PEAK1: variants seen among roughly 807,000 people sequenced by gnomAD.
The protein encoded by PEAK1 is pseudopodium enriched atypical kinase 1, also known as inactive tyrosine-protein kinase PEAK1.
PEAK1 carries 54 observed loss-of-function variants against 124.7 expected under a neutral mutation model. That is an observed-to-expected ratio of 0.43 (90% CI 0.35 to 0.54). The LOEUF is 0.54. PEAK1 is among the 20% of genes least tolerant of loss of function. PEAK1 has a pLI of 0.01. For missense variants in PEAK1, 2,046 were observed against 2,134.5 expected (o/e 0.96, Z 0.82); for synonymous variants, 719 against 760.0 (o/e 0.95, Z 0.89).
intron 6 of PEAK1, among the ~76,000 whole-genome samples, chr15:77,242,868 A>G (rs760253148): frequency 2.6e-5 from 4 of 152,302 alleles, no homozygotes; most frequent in African/African-American, 7.2e-5. Context: ...TTCCAACAGG[A>G]AAGTATAACA....
At chr15:77,384,211 CA>C (rs1271124099) in intron 1 of PEAK1, among the ~76,000 whole-genome samples, 19 of 151,280 alleles carry the variant, frequency 1.3e-4, no homozygotes, top group Admixed American at 1.2e-3. Flanking sequence ...AACAAGCTCA[CA>C]AACTATTATA....
At chr15:77,343,200 T>G (rs1295185305) in intron 2 of PEAK1, among the ~76,000 whole-genome samples, 1 of 152,208 alleles carries the variant, frequency 6.6e-6, no homozygotes, top group Non-Finnish European at 1.5e-5. Flanking sequence ...TATCACTGTG[T>G]TTTGATTTGG....
intron 7 of PEAK1, among the ~76,000 whole-genome samples, chr15:77,177,051 G>A (rs758470028): frequency 2.5e-4 from 38 of 152,044 alleles, no homozygotes; most frequent in Non-Finnish European, 4.7e-4. Flanking sequence ...TCCACCTCCC[G>A]GTTCAAGTGA....
At chr15:77,161,842 T>C (rs1305462269) in intron 7 of PEAK1, among the ~76,000 whole-genome samples, 1 of 151,510 alleles carries the variant, frequency 6.6e-6, no homozygotes, top group Non-Finnish European at 1.5e-5. Context: ...GGCAGGTGCC[T>C]ATAATCCCAG....
At chr15:77,124,173 C>G (rs916722607) in intron 9 of PEAK1, among the ~76,000 whole-genome samples, 2 of 152,248 alleles carry the variant, frequency 1.3e-5, no homozygotes, top group Non-Finnish European at 2.9e-5. Flanking sequence ...CAACCTTGGA[C>G]TCTCTGGCCT....
intron 7 of PEAK1, among the ~76,000 whole-genome samples, chr15:77,168,667 G>A (rs1452330821): frequency 6.6e-6 from 1 of 152,174 alleles, no homozygotes; most frequent in Non-Finnish European, 1.5e-5. Flanking sequence ...GGATTACTGA[G>A]GAATACAGTT....
intron 5 of PEAK1, among the ~76,000 whole-genome samples, chr15:77,261,967 A>G (rs1045367450): frequency 2.6e-5 from 4 of 152,140 alleles, no homozygotes; most frequent in Non-Finnish European, 1.5e-5. Flanking sequence ...ACATTCTTAA[A>G]GAAAAGAATT....
intron 6 of PEAK1, among the ~76,000 whole-genome samples, chr15:77,190,153 T>C (rs2057761764): frequency 6.6e-6 from 1 of 152,134 alleles, no homozygotes; most frequent in African/African-American, 2.4e-5. Flanking sequence ...TTAAAAGAAA[T>C]TTTACCTTTC....
At position 77,241,460 on chromosome 15, in the gene PEAK1, T is replaced by C. The variant is rs556473455; in HGVS notation, c.-115+10907A>G. 2.4e-3 allele frequency among the ~76,000 whole-genome samples: 361 copies of C among 152,202 alleles called. 19 individuals are homozygous for C. The South Asian group carries it at 0.072, about 30-fold the overall frequency. On this transcript the variant is annotated intron_variant, in intron 6 of 9. Transcript: ENST00000682557. ...ACTACCATCATTCCTGTTCCACGTA[T>C]CCTGAAAGTTTTAGTGCAATAGACA... is the stretch of plus-strand genomic sequence containing the variant.
intron 1 of PEAK1, among the ~76,000 whole-genome samples, chr15:77,399,824 C>T (rs2071205877): frequency 1.3e-5 from 2 of 152,104 alleles, no homozygotes; most frequent in African/African-American, 4.8e-5. Context: ...GGGATCACAT[C>T]AAGTTTAACA....
intron 2 of PEAK1, among the ~76,000 whole-genome samples, chr15:77,313,801 C>G (rs1363799740): frequency 6.6e-6 from 1 of 150,494 alleles, no homozygotes; most frequent in Admixed American, 6.7e-5. Flanking sequence ...AGGCTGGTCT[C>G]GAACTCCTGA....
intron 8 of PEAK1, chr15:77,157,038 A>G (rs968531409): frequency 2.0e-5 from 3 of 152,310 alleles, no homozygotes; most frequent in Non-Finnish European, 2.9e-5. Flanking sequence ...TACACAATGT[A>G]TTTTCAACTG....
chr15:77,265,204 TC>T (rs1376470781), intron 5 of PEAK1, among the ~76,000 whole-genome samples: 28 of 152,098 alleles, frequency 1.8e-4, no homozygotes, highest in Admixed American at 1.6e-3. Context: ...GGCAAGGACT[TC>T]ATGTCTAAAA....
chr15:77,233,043 G>A (rs551439655), intron 6 of PEAK1, among the ~76,000 whole-genome samples: 2 of 152,166 alleles, frequency 1.3e-5, no homozygotes, highest in South Asian at 2.1e-4. Flanking sequence ...CACCGCACCC[G>A]GTCCTTTTTT....
intron 2 of PEAK1, among the ~76,000 whole-genome samples, chr15:77,308,390 T>C (rs1257620528): frequency 6.6e-6 from 1 of 152,102 alleles, no homozygotes; most frequent in Non-Finnish European, 1.5e-5. Context: ...ATGTGACTTA[T>C]TCCTCAGGGT....
At chr15:77,268,357 C>T (rs888837005) in intron 5 of PEAK1, among the ~76,000 whole-genome samples, 1 of 151,812 alleles carries the variant, frequency 6.6e-6, no homozygotes, top group South Asian at 2.1e-4. Flanking sequence ...GCCTGTAATC[C>T]CAGCTACGCA....
intron 1 of PEAK1, among the ~76,000 whole-genome samples, chr15:77,368,185 A>C (rs1406109115): frequency 1.3e-5 from 2 of 152,162 alleles, no homozygotes; most frequent in African/African-American, 2.4e-5. Flanking sequence ...ATCATTTAAA[A>C]ATGTTATGAG....
At chr15:77,130,053 A>G (rs2052726779) in intron 9 of PEAK1, among the ~76,000 whole-genome samples, 1 of 152,190 alleles carries the variant, frequency 6.6e-6, no homozygotes, top group Admixed American at 6.5e-5. Context: ...AACTCCTAGT[A>G]TATAACCACT....
chr15:77,254,649 T>A (rs1442014203), intron 5 of PEAK1, among the ~76,000 whole-genome samples: 1 of 152,166 alleles, frequency 6.6e-6, no homozygotes, highest in Non-Finnish European at 1.5e-5. Flanking sequence ...CCTAGGCTAG[T>A]CCTGAACTCC....
Sources: allele counts gnomAD v4.1 joint callset (sites outside exome capture counted in the v4.1 genomes callset), GRCh38; gene constraint gnomAD v4.1.1; transcripts MANE v1.5; gene names NCBI Gene and HGNC (gene_info 2026-07-23, HGNC 2026-07-21).